ANKH: variants seen among roughly 807,000 people sequenced by gnomAD.
The protein encoded by ANKH is ANKH inorganic pyrophosphate transport regulator.
ANKH carries 15 observed loss-of-function variants against 49.0 expected under a neutral mutation model. That is an observed-to-expected ratio of 0.31 (90% CI 0.20 to 0.47). ANKH has a LOEUF of 0.47. Ranked by LOEUF, ANKH falls within the 20% of genes least tolerant of loss-of-function variation. ANKH has a pLI of 1.00. For synonymous variants in ANKH, 273 were observed against 260.0 expected, an observed-to-expected ratio of 1.05 and a Z score of -0.48; for missense variants, 429 against 652.0, an observed-to-expected ratio of 0.66 and a Z score of 3.72.
chr5:14,754,705 C>A (rs1273027882), intron 4 of ANKH, among the ~76,000 whole-genome samples: 4 of 152,028 alleles, frequency 2.6e-5, no homozygotes, highest in Non-Finnish European at 4.4e-5. Flanking sequence ...ACTAACAGTT[C>A]AACAGTCGAT....
rs147576931 is a variant in ANKH at position 14,834,737 on chromosome 5, C to T, written c.96+36615G>A. On this transcript the variant is annotated intron_variant, in intron 1 of 11. Coordinates refer to ENST00000284268, the MANE Select transcript of ANKH (RefSeq NM_054027.6). ...CTGAGGTTGCAGTGAGCAGAGATCG[C>T]GCCACTACACTCCAGCCTGGGTGAC... 8.1e-3 allele frequency among the ~76,000 whole-genome samples: 1,237 copies of T among 152,240 alleles called. 18 individuals carry two copies. The highest frequency in any genetic ancestry group is 0.062 in the South Asian group (301 of 4,826).
intron 4 of ANKH, among the ~76,000 whole-genome samples, chr5:14,751,491 A>G (rs1028583491): frequency 8.5e-5 from 13 of 152,192 alleles, no homozygotes; most frequent in African/African-American, 2.9e-4. Context: ...AGCAACTACA[A>G]AAATCTTTCA....
rs149098054 is a variant in ANKH, at chr5:14,741,067, C to T, written c.1011+760G>A. On this transcript the variant is annotated intron_variant, in intron 8 of 11. Transcript: ENST00000284268. ...ATAACCCAAAGGGCACAGTCTCCAACGGAAGGCTGTTTATAAACGGTAAGT... is the reference window on the plus strand; with the variant it reads ...ATAACCCAAAGGGCACAGTCTCCAATGGAAGGCTGTTTATAAACGGTAAGT... Among the ~76,000 whole-genome samples, 42 of 152,294 alleles carry T rather than the reference C, an allele frequency of 2.8e-4. No homozygotes were observed. The East Asian group carries it at 5.2e-3, about 19-fold the overall frequency.
intron 1 of ANKH, among the ~76,000 whole-genome samples, chr5:14,861,962 ATG>A (rs1735507832): frequency 6.6e-6 from 1 of 152,194 alleles, no homozygotes; most frequent in Admixed American, 6.5e-5. Context: ...GGGGCTGAGC[ATG>A]GTAGCTCACA....
chr5:14,802,567 C>G (rs970075123), intron 1 of ANKH, among the ~76,000 whole-genome samples: 5 of 152,096 alleles, frequency 3.3e-5, no homozygotes, highest in African/African-American at 1.2e-4. Context: ...CACCCCTTGG[C>G]CAAATCTCTG....
chr5:14,858,234 A>G (rs941110578), intron 1 of ANKH, among the ~76,000 whole-genome samples: 2 of 152,078 alleles, frequency 1.3e-5, no homozygotes, highest in African/African-American at 2.4e-5. Context: ...ACTGTACCCA[A>G]TGTGTAGTCT....
rs1373491504 is a variant in ANKH at position 14,705,191 on chromosome 5, T to A, written c.*6006A>T. The A allele has an allele frequency of 2.0e-5, 3 of 152,126 alleles. No individual in the cohort carries two copies. Among genetic ancestry groups the A allele is most frequent in the Non-Finnish European group, 4.4e-5 (3 of 68,018 alleles). 9.4% of individuals were successfully genotyped at this position (152,126 alleles called of 1,614,324 possible). A position where few individuals can be genotyped will look rare whatever the true frequency, so the allele number is the denominator to read the frequency against. On this transcript the variant is annotated 3_prime_UTR_variant, in exon 12 of 12. Coordinates refer to ENST00000284268, the MANE Select transcript of ANKH (RefSeq NM_054027.6). ...TTTAATGTGATTGGTTTCAACAGTT[T>A]ATACCCACAGTTTTGATGTGAAACT... is the stretch of plus-strand genomic sequence containing the variant.
At chr5:14,828,885 A>G (rs1360813931) in intron 1 of ANKH, among the ~76,000 whole-genome samples, 2 of 152,194 alleles carry the variant, frequency 1.3e-5, no homozygotes, top group African/African-American at 4.8e-5. Flanking sequence ...ACATGGTAAC[A>G]TTCAGAAGAA....
At chr5:14,803,287 A>G (rs1740616815) in intron 1 of ANKH, among the ~76,000 whole-genome samples, 1 of 151,954 alleles carries the variant, frequency 6.6e-6, no homozygotes, top group Non-Finnish European at 1.5e-5. Context: ...TAATTTGTTT[A>G]TTTATTTTTT....
At chr5:14,812,118 A>T (rs1007393547) in intron 1 of ANKH, among the ~76,000 whole-genome samples, 8 of 21,664 alleles carry the variant, frequency 3.7e-4, no homozygotes, top group African/African-American at 1.2e-3. Flanking sequence ...TATTTATCTT[A>T]AAAAAAAAAA....
At chr5:14,864,849 A>C (rs1227564141) in intron 1 of ANKH, among the ~76,000 whole-genome samples, 1 of 152,212 alleles carries the variant, frequency 6.6e-6, no homozygotes, top group Non-Finnish European at 1.5e-5. Context: ...GTTTTGTGAA[A>C]CATACACACA....
intron 1 of ANKH, among the ~76,000 whole-genome samples, chr5:14,838,572 C>T (rs1242657215): frequency 2.6e-5 from 4 of 152,078 alleles, no homozygotes; most frequent in South Asian, 2.1e-4. Context: ...CTGGGGCACA[C>T]GTGAGTGGCA....
chr5:14,718,576 T>C (rs1737560153), intron 8 of ANKH, among the ~76,000 whole-genome samples: 1 of 152,138 alleles, frequency 6.6e-6, no homozygotes, highest in African/African-American at 2.4e-5. Context: ...TTTGGGAGGC[T>C]GAGGCGGGCG....
intron 8 of ANKH, among the ~76,000 whole-genome samples, chr5:14,736,006 C>CTTTTTTTT (rs540010631): frequency 3.6e-5 from 3 of 83,656 alleles, no homozygotes; most frequent in African/African-American, 1.2e-4. Flanking sequence ...AAAAACCTAA[C>CTTTTTTTT]TTTTTTTTTT....
intron 1 of ANKH, among the ~76,000 whole-genome samples, chr5:14,864,788 T>G (rs891714874): frequency 1.3e-5 from 2 of 152,230 alleles, no homozygotes; most frequent in Non-Finnish European, 2.9e-5. Context: ...TATGCTGCAA[T>G]TTAAAATCAT....
At chr5:14,793,023 T>TATATATATAAAA (rs1385758620) in intron 1 of ANKH, among the ~76,000 whole-genome samples, 31 of 66,574 alleles carry the variant, frequency 4.7e-4, no homozygotes, top group Admixed American at 6.5e-4. Flanking sequence ...TATATATAAA[T>TATATATATAAAA]ATATATATAT....
At chr5:14,741,954 C>A in intron 7 of ANKH, 32 bp from the exon 8 acceptor site, 8 of 1,557,774 alleles carry the variant, frequency 5.1e-6, no homozygotes, top group Non-Finnish European at 7.1e-6. Context: ...CATGAATGGG[C>A]CCGGCTTATC....
intron 1 of ANKH, among the ~76,000 whole-genome samples, chr5:14,786,652 A>C (rs973860418): frequency 6.6e-6 from 1 of 152,266 alleles, no homozygotes; most frequent in African/African-American, 2.4e-5. Context: ...AAATTTTAAA[A>C]ATTAAAATAA....
chr5:14,706,808 T>C lies in ANKH; in HGVS notation c.*4389A>G, dbSNP rs1224944970. ...GATTCAAAATAACCACACAGAGGAG[T>C]ATCCCAGACACGTTGCTCAAAAACA... On this transcript the variant is annotated 3_prime_UTR_variant, in exon 12 of 12. Coordinates refer to ENST00000284268, the MANE Select transcript of ANKH (RefSeq NM_054027.6). 1 of 152,076 alleles carries C rather than the reference T, an allele frequency of 6.6e-6. No individual in the cohort carries two copies. Among genetic ancestry groups the C allele is most frequent in the East Asian group, 1.9e-4 (1 of 5,194 alleles). 9.4% of individuals were successfully genotyped at this position (152,076 alleles called of 1,614,324 possible).
Sources: gnomAD v4.1 joint callset for allele counts (sites outside exome capture counted in the v4.1 genomes callset) on GRCh38, gnomAD v4.1.1 for gene constraint, MANE v1.5 for transcripts, NCBI Gene and HGNC (gene_info 2026-07-23, HGNC 2026-07-21) for gene names.